SEPTIN14: variants seen among roughly 807,000 people sequenced by gnomAD.
The protein encoded by SEPTIN14 is septin 14.
A neutral mutation model predicts 53.6 loss-of-function variants in SEPTIN14; 40 were observed. The observed-to-expected ratio is 0.75, with a 90% CI of 0.58 to 0.97. The LOEUF is 0.97. Ranked by LOEUF, SEPTIN14 falls within the 50% of genes least tolerant of loss-of-function variation. The pLI, the probability that SEPTIN14 is intolerant of heterozygous loss-of-function variation, is 0.00. For synonymous variants in SEPTIN14, 138 were observed against 166.8 expected, an observed-to-expected ratio of 0.83 and a Z score of 1.33; for missense variants, 471 against 508.2, an observed-to-expected ratio of 0.93 and a Z score of 0.70.
At chr7:55,855,077 C>T (rs540056771) in intron 2 of SEPTIN14, among the ~76,000 whole-genome samples, 1 of 150,500 alleles carries the variant, frequency 6.6e-6, no homozygotes, top group African/African-American at 2.4e-5. Context: ...GGCACTATCT[C>T]GGCTCACTGC....
chr7:55,808,567 T>C (rs1788645367), intron 7 of SEPTIN14, among the ~76,000 whole-genome samples: 1 of 152,198 alleles, frequency 6.6e-6, no homozygotes, highest in African/African-American at 2.4e-5. Context: ...TTTTCTTTTT[T>C]TGAGACAGAG....
chr7:55,810,995 T>A, intron 7 of SEPTIN14: 1 of 438,742 alleles, frequency 2.3e-6, no homozygotes, highest in Admixed American at 2.7e-5. Context: ...CAGGACATCT[T>A]TTGACTGTTG....
At chr7:55,841,443 A>T (rs1789309215) in intron 5 of SEPTIN14, among the ~76,000 whole-genome samples, 1 of 152,040 alleles carries the variant, frequency 6.6e-6, no homozygotes, top group African/African-American at 2.4e-5. Context: ...ATGTTTAGAT[A>T]CACAGACAAG....
At chr7:55,800,959 C>A (rs1034421355) in intron 9 of SEPTIN14, among the ~76,000 whole-genome samples, 1 of 151,942 alleles carries the variant, frequency 6.6e-6, no homozygotes, top group African/African-American at 2.4e-5. Flanking sequence ...ATATGTATAC[C>A]TACTAGGTAC....
At chr7:55,850,412 G>A (rs1271514601) in intron 2 of SEPTIN14, among the ~76,000 whole-genome samples, 1 of 152,140 alleles carries the variant, frequency 6.6e-6, no homozygotes, top group Non-Finnish European at 1.5e-5. Context: ...AGAGGTTGCA[G>A]TGAGCTGAGA....
intron 7 of SEPTIN14, among the ~76,000 whole-genome samples, chr7:55,817,985 T>C (rs1788824602): frequency 6.6e-6 from 1 of 152,158 alleles, no homozygotes; most frequent in Admixed American, 6.6e-5. Context: ...GTGTTTGTCA[T>C]GTCCAGAAGA....
intron 2 of SEPTIN14, among the ~76,000 whole-genome samples, chr7:55,849,265 C>G (rs1233355482): frequency 1.3e-5 from 2 of 151,240 alleles, no homozygotes; most frequent in South Asian, 2.1e-4. Context: ...GCAGAGGTTG[C>G]AGTGAACTGA....
intron 7 of SEPTIN14, among the ~76,000 whole-genome samples, chr7:55,816,316 A>G (rs1007871804): frequency 2.6e-5 from 4 of 152,154 alleles, no homozygotes; most frequent in Admixed American, 1.3e-4. Flanking sequence ...GTCAACAATA[A>G]TTTATTGTAC....
chr7:55,795,820 A>C lies in SEPTIN14; in HGVS notation c.*93T>G, dbSNP rs1383944099. 9 of 990,394 alleles carry C rather than the reference A, an allele frequency of 9.1e-6. No individual in the cohort carries two copies. Among genetic ancestry groups the C allele is most frequent in the Non-Finnish European group, 1.4e-5 (9 of 650,292 alleles). The allele number at this position is 990,394 out of a possible 1,614,324, so 61.4% of individuals were successfully genotyped here. A position where few individuals can be genotyped will look rare whatever the true frequency, so the allele number is the denominator to read the frequency against. Reference sequence around the variant, plus strand: ...TATACAATAAGCAAGCCAATTTTTAAAATGAGAACTTCAGAGTTAAATGCT... The same window carrying C: ...TATACAATAAGCAAGCCAATTTTTACAATGAGAACTTCAGAGTTAAATGCT... On this transcript the variant is annotated 3_prime_UTR_variant, in exon 10 of 10. Coordinates refer to ENST00000388975, the MANE Select transcript of SEPTIN14 (RefSeq NM_207366.3).
chr7:55,828,675 CT>C (rs1412535443), intron 6 of SEPTIN14, among the ~76,000 whole-genome samples: 1 of 152,114 alleles, frequency 6.6e-6, no homozygotes, highest in Non-Finnish European at 1.5e-5. Context: ...TGCCTTTTGG[CT>C]TGTAAACTTT....
intron 9 of SEPTIN14, among the ~76,000 whole-genome samples, chr7:55,796,385 C>T (rs34972943): frequency 0.079 from 11,953 of 152,068 alleles, 1,156 homozygotes; most frequent in African/African-American, 0.23. Context: ...GCCTTAGCCT[C>T]CCGAGAAGCT....
At chr7:55,807,896 T>C (rs768906317) in intron 7 of SEPTIN14, among the ~76,000 whole-genome samples, 1 of 151,996 alleles carries the variant, frequency 6.6e-6, no homozygotes, top group Non-Finnish European at 1.5e-5. Flanking sequence ...AGTCAAAAAC[T>C]GTAAAATGAT....
intron 7 of SEPTIN14, among the ~76,000 whole-genome samples, chr7:55,810,166 A>G (rs1433004606): frequency 2.0e-5 from 3 of 152,088 alleles, no homozygotes; most frequent in Admixed American, 6.5e-5. Context: ...AAAAGACATG[A>G]AGTGATACTT....
chr7:55,798,475 C>T lies in SEPTIN14; in HGVS notation c.1120-2383G>A, dbSNP rs190073478. 9.7e-4 allele frequency: 279 copies of T among 288,512 alleles called. 2 individuals carry two copies. In the East Asian group the frequency reaches 0.021, roughly 22 times the overall value. The allele number at this position is 288,512 out of a possible 1,614,324, so 17.9% of individuals were successfully genotyped here. On this transcript the variant is annotated intron_variant, in intron 9 of 9. Coordinates refer to ENST00000388975, the MANE Select transcript of SEPTIN14 (RefSeq NM_207366.3). ...ATGACCACAATGATGCTTTCCTCTCCGTCATGTCTCCTGACACCCAGTTGC... is the reference window on the plus strand; with the variant it reads ...ATGACCACAATGATGCTTTCCTCTCTGTCATGTCTCCTGACACCCAGTTGC...
At chr7:55,838,740 G>T (rs1338162052) in intron 5 of SEPTIN14, among the ~76,000 whole-genome samples, 3 of 151,730 alleles carry the variant, frequency 2.0e-5, no homozygotes, top group Non-Finnish European at 2.9e-5. Context: ...GTAGAGATGG[G>T]GTCTCACTAC....
At chr7:55,800,135 C>T (rs975017987) in intron 9 of SEPTIN14, among the ~76,000 whole-genome samples, 2 of 152,052 alleles carry the variant, frequency 1.3e-5, no homozygotes, top group Admixed American at 6.6e-5. Flanking sequence ...ACCTAACTGT[C>T]CACAACAGAT....
At chr7:55,803,002 A>G (rs990816340) in intron 9 of SEPTIN14, among the ~76,000 whole-genome samples, 2 of 151,748 alleles carry the variant, frequency 1.3e-5, no homozygotes, top group African/African-American at 2.4e-5. Context: ...CAGTGGTGCA[A>G]TCTGGGCTCA....
chr7:55,794,181 T>A lies in SEPTIN14; in HGVS notation c.*1732A>T, dbSNP rs1329973409. 1 of 152,172 alleles carries A rather than the reference T, an allele frequency of 6.6e-6. No homozygotes were observed. Among genetic ancestry groups the A allele is most frequent in the East Asian group, 1.9e-4 (1 of 5,202 alleles). The allele number at this position is 152,172 out of a possible 1,614,324, so 9.4% of individuals were successfully genotyped here. A position where few individuals can be genotyped will look rare whatever the true frequency, so the allele number is the denominator to read the frequency against. ...AAAACCCTATGGATTATACCATTAT[T>A]ACCTAAAAAGTCTATTCTCAAATGC... On this transcript the variant is annotated 3_prime_UTR_variant, in exon 10 of 10. Transcript: ENST00000388975.
At chr7:55,817,476 A>ATATTTT (rs1554328559) in intron 7 of SEPTIN14, among the ~76,000 whole-genome samples, 21 of 143,764 alleles carry the variant, frequency 1.5e-4, no homozygotes, top group African/African-American at 5.4e-4. Context: ...ATATATATAT[A>ATATTTT]TTTTTTTTTT....
Sources: gnomAD v4.1 joint callset for allele counts (sites outside exome capture counted in the v4.1 genomes callset) on GRCh38, gnomAD v4.1.1 for gene constraint, MANE v1.5 for transcripts, NCBI Gene and HGNC (gene_info 2026-07-23, HGNC 2026-07-21) for gene names.